The following TDRP variants were observed in gnomAD, a reference collection of about 807,000 sequenced individuals.
TDRP encodes the protein testis development-related protein.
TDRP carries 12 observed loss-of-function variants against 10.5 expected under a neutral mutation model. The ratio of observed to expected loss-of-function variants is 1.15; its 90% CI spans 0.73 to 1.86. TDRP has a LOEUF of 1.86. Among genes scored for constraint, TDRP ranks in the 40% most tolerant of loss-of-function variants. The probability of loss-of-function intolerance (pLI) is 0.00; values close to 1 mark genes in which losing one functional copy is unlikely to be tolerated. For missense variants in TDRP, 353 were observed against 229.2 expected (o/e 1.54, Z -3.49); for synonymous variants, 139 against 95.4 (o/e 1.46, Z -2.67).
intron 1 of TDRP, among the ~76,000 whole-genome samples, chr8:530,088 T>C (rs888081493): frequency 6.6e-6 from 1 of 152,156 alleles, no homozygotes; most frequent in Non-Finnish European, 1.5e-5. Context: ...TGAATTTAAA[T>C]GAGCTGTTGA....
rs1800954661 is a variant in TDRP at position 490,965 on chromosome 8, G to A, written c.*1434C>T. On this transcript the variant is annotated 3_prime_UTR_variant, in exon 3 of 3. Transcript: ENST00000324079. ...CATAGAGGACAGGTGAATAGATACG[G>A]ATGATTGATAGGTATAAGTGATTGA... 1 of 152,240 alleles carries A rather than the reference G, an allele frequency of 6.6e-6. No homozygotes were observed. The highest frequency in any genetic ancestry group is 1.5e-5 in the Non-Finnish European group (1 of 68,058). 9.4% of individuals were successfully genotyped at this position (152,240 alleles called of 1,614,324 possible). A position where few individuals can be genotyped will look rare whatever the true frequency, so the allele number is the denominator to read the frequency against.
chr8:492,504 G>C lies in TDRP; in HGVS notation c.453C>G (p.Ser151Arg), dbSNP rs1801007754. The C allele has an allele frequency of 2.5e-6, 4 of 1,609,866 alleles. No individual in the cohort carries two copies. The highest frequency in any genetic ancestry group is 3.4e-6 in the Non-Finnish European group (4 of 1,177,862). ...GGCTCCACCTGGAGCTGTTGGCAGA[G>C]CTGGCCAGGCTGGTGTACTTGGTCG... ...KGSTKYTSLA[S>R]SANSSRWSLR... Residue 151 changes from serine (S) to arginine (R), a missense_variant, in exon 3 of 3, where the codon AGC becomes AGG. Physicochemically the swap from Ser to Arg is moderately radical, Grantham distance 110. Coordinates refer to ENST00000324079, the MANE Select transcript of TDRP (RefSeq NM_001384899.1).
intron 1 of TDRP, among the ~76,000 whole-genome samples, chr8:495,743 TGATCCGAGACAAG>T (rs1801110583): frequency 6.6e-6 from 1 of 152,216 alleles, no homozygotes; most frequent in African/African-American, 2.4e-5. Context: ...AGCATGACAC[TGATCCGAGACAAG>T]GATAATGAAT....
chr8:524,993 A>G (rs1802000419), intron 1 of TDRP, among the ~76,000 whole-genome samples: 1 of 152,146 alleles, frequency 6.6e-6, no homozygotes. Flanking sequence ...ATTTAACCCA[A>G]ACAAGACTAC....
intron 1 of TDRP, among the ~76,000 whole-genome samples, chr8:534,757 C>T (rs1266380031): frequency 7.9e-5 from 12 of 152,140 alleles, no homozygotes; most frequent in African/African-American, 2.4e-4. Flanking sequence ...TACTGATTTG[C>T]GGATTACAAA....
intron 1 of TDRP, among the ~76,000 whole-genome samples, chr8:500,726 C>G (rs144258286): frequency 6.6e-6 from 1 of 152,174 alleles, no homozygotes; most frequent in African/African-American, 2.4e-5. Flanking sequence ...GCAGGTGTAT[C>G]GGACTCCGGC....
chr8:504,967 C>A (rs745337019), intron 1 of TDRP, among the ~76,000 whole-genome samples: 2 of 152,158 alleles, frequency 1.3e-5, no homozygotes, highest in Non-Finnish European at 2.9e-5. Flanking sequence ...GGAAAGGGAA[C>A]TTTTACTTCC....
chr8:491,884 A>G lies in TDRP; in HGVS notation c.*515T>C. The G allele has an allele frequency of 8.4e-7, 1 of 1,185,716 alleles. No homozygotes were observed. The highest frequency in any genetic ancestry group is 1.0e-6 in the Non-Finnish European group (1 of 958,706). The allele number at this position is 1,185,716 out of a possible 1,614,324, so 73.4% of individuals were successfully genotyped here. ...TTGCTTTTCCAGTATTTGTTTACGT[A>G]TTTGTTTAATAAGAACAAAGTTTAA... On this transcript the variant is annotated 3_prime_UTR_variant, in exon 3 of 3. Coordinates refer to ENST00000324079, the MANE Select transcript of TDRP (RefSeq NM_001384899.1).
intron 1 of TDRP, among the ~76,000 whole-genome samples, chr8:523,325 C>G (rs763116876): frequency 6.6e-6 from 1 of 152,060 alleles, no homozygotes; most frequent in African/African-American, 2.4e-5. Context: ...TTAATTTTTT[C>G]GGGGGGAATG....
At chr8:540,137 C>G (rs539453890) in intron 1 of TDRP, among the ~76,000 whole-genome samples, 3 of 152,294 alleles carry the variant, frequency 2.0e-5, no homozygotes, top group African/African-American at 4.8e-5. Flanking sequence ...CTTCTTTTCT[C>G]TACTATTTGC....
At chr8:543,334 AG>A (rs1203404585) in intron 1 of TDRP, among the ~76,000 whole-genome samples, 1 of 152,116 alleles carries the variant, frequency 6.6e-6, no homozygotes, top group African/African-American at 2.4e-5. Flanking sequence ...TAAAAACTTA[AG>A]AAAAAAAAGT....
chr8:505,994 T>G (rs1379571234), intron 1 of TDRP, among the ~76,000 whole-genome samples: 1 of 152,118 alleles, frequency 6.6e-6, no homozygotes, highest in Non-Finnish European at 1.5e-5. Flanking sequence ...AATGTGGGCA[T>G]GGACATCACT....
chr8:530,473 A>C (rs1281112393), intron 1 of TDRP, among the ~76,000 whole-genome samples: 2 of 152,090 alleles, frequency 1.3e-5, no homozygotes, highest in Admixed American at 1.3e-4. Flanking sequence ...CACCTCTCCC[A>C]GTCTTTATGG....
At chr8:544,424 C>T (rs1409459983) in intron 1 of TDRP, among the ~76,000 whole-genome samples, 1 of 152,066 alleles carries the variant, frequency 6.6e-6, no homozygotes, top group Non-Finnish European at 1.5e-5. Flanking sequence ...TGGGTCCACG[C>T]GGACCACAGC....
In TDRP at chr8:492,313, C is replaced by G. The variant is rs1801000027; in HGVS notation, c.*86G>C. 2.2e-6 allele frequency: 3 copies of G among 1,379,586 alleles called. No homozygotes were observed. In the Admixed American group the frequency reaches 9.8e-5, roughly 45 times the overall value. 85.5% of individuals were successfully genotyped at this position (1,379,586 alleles called of 1,614,324 possible). ...ATAGGCAAAAAGTAGACTCTCTATT[C>G]TTTCTAACGCGGAAAAGACTCAACA... On this transcript the variant is annotated 3_prime_UTR_variant, in exon 3 of 3. Transcript: ENST00000324079.
intron 1 of TDRP, among the ~76,000 whole-genome samples, chr8:522,761 C>G (rs1379157956): frequency 1.3e-5 from 2 of 152,170 alleles, no homozygotes; most frequent in Non-Finnish European, 2.9e-5. Context: ...CCTCAATTAT[C>G]CCACAGCAAT....
chr8:543,252 G>A (rs546974407), intron 1 of TDRP, among the ~76,000 whole-genome samples: 7 of 152,254 alleles, frequency 4.6e-5, no homozygotes, highest in Admixed American at 1.3e-4. Context: ...GGTTGAGGCC[G>A]TAGTGAGCCG....
In TDRP at chr8:491,625, TAAATG is replaced by T; in HGVS notation, c.*769_*773del. The T allele has an allele frequency of 6.5e-7, 1 of 1,531,496 alleles. No individual in the cohort carries two copies. Among genetic ancestry groups the T allele is most frequent in the Non-Finnish European group, 8.7e-7 (1 of 1,145,674 alleles). The allele number at this position is 1,531,496 out of a possible 1,614,324, so 94.9% of individuals were successfully genotyped here. ...CTATAATGAGCAAGACAATGTTTCC[TAAATG>T]AAATTATCAACTGACTAAAATTGAT... On this transcript the variant is annotated 3_prime_UTR_variant, in exon 3 of 3. Coordinates refer to ENST00000324079, the MANE Select transcript of TDRP (RefSeq NM_001384899.1).
chr8:539,700 C>T (rs1485090765), intron 1 of TDRP, among the ~76,000 whole-genome samples: 1 of 152,176 alleles, frequency 6.6e-6, no homozygotes, highest in Non-Finnish European at 1.5e-5. Flanking sequence ...TCCCCACATA[C>T]CCGCCCTCCA....
Sources: allele counts gnomAD v4.1 joint callset (sites outside exome capture counted in the v4.1 genomes callset), GRCh38; gene constraint gnomAD v4.1.1; transcripts MANE v1.5; gene names NCBI Gene and HGNC (gene_info 2026-07-23, HGNC 2026-07-21).